The following PPL variants were observed in gnomAD, a reference collection of about 807,000 sequenced individuals.
The protein encoded by PPL is 190 kDa paraneoplastic pemphigus antigen.
A neutral mutation model predicts 194.4 loss-of-function variants in PPL; 198 were observed. The observed-to-expected ratio is 1.02, with a 90% CI of 0.91 to 1.15. The LOEUF is 1.15. Among genes scored for constraint, PPL ranks in the 50% most tolerant of loss-of-function variants. PPL has a pLI of 0.00. For synonymous variants in PPL, 1,220 were observed against 972.4 expected, an observed-to-expected ratio of 1.25 and a Z score of -4.74; for missense variants, 2,885 against 2,294.8, an observed-to-expected ratio of 1.26 and a Z score of -5.25.
chr16:4,929,018 A>T (rs2089194766), intron 1 of PPL, among the ~76,000 whole-genome samples: 1 of 120,470 alleles, frequency 8.3e-6, no homozygotes, highest in African/African-American at 3.5e-5. Flanking sequence ...TACCTTAAAA[A>T]AAAAAAAAAA....
At chr16:4,891,773 TCA>T (rs1404357880) in intron 16 of PPL, 36 bp downstream of exon 16, 1 of 1,576,634 alleles carries the variant, frequency 6.3e-7, no homozygotes, top group Admixed American at 1.8e-5. Context: ...TCTCACCTGC[TCA>T]GAGAAGGACT....
At chr16:4,900,901 G>A in intron 5 of PPL, 30 bp from the exon 6 acceptor site, 1 of 1,614,068 alleles carries the variant, frequency 6.2e-7, no homozygotes, top group Non-Finnish European at 8.5e-7. Context: ...CATGGGTCAG[G>A]GCCAGGAAGC....
chr16:4,894,979 T>C (rs550202728), intron 11 of PPL, among the ~76,000 whole-genome samples: 1 of 152,080 alleles, frequency 6.6e-6, no homozygotes, highest in East Asian at 1.9e-4. Flanking sequence ...CAGTGATTGG[T>C]GTAGGATGGA....
intron 1 of PPL, among the ~76,000 whole-genome samples, chr16:4,936,036 C>G (rs2089293683): frequency 6.6e-6 from 1 of 152,212 alleles, no homozygotes. Flanking sequence ...TTCCCACCCC[C>G]TCCGTCAATC....
In PPL at chr16:4,899,358, G is replaced by T. The variant is rs2088501992; in HGVS notation, c.633C>A (p.His211Gln). The T allele has an allele frequency of 1.2e-6, 2 of 1,610,120 alleles. No homozygotes were observed. The highest frequency in any genetic ancestry group is 1.7e-6 in the Non-Finnish European group (2 of 1,178,142). Reference sequence around the variant, plus strand: ...GCATGTAGTCCTGCAGCGAACTCAGGTGCTGCTGCCGGGCCTGTGATGCTG... The same window carrying T: ...GCATGTAGTCCTGCAGCGAACTCAGTTGCTGCTGCCGGGCCTGTGATGCTG... ...LLAASQARQQ[H>Q]LSSLQDYMQR... Residue 211 changes from histidine (H) to glutamine (Q), a missense_variant, in exon 7 of 22, where the codon CAC becomes CAA. His to Gln is a conservative substitution (Grantham distance 24). Transcript: ENST00000345988.
At chr16:4,900,223 G>A (rs1172748938) in intron 6 of PPL, among the ~76,000 whole-genome samples, 1 of 152,076 alleles carries the variant, frequency 6.6e-6, no homozygotes, top group Non-Finnish European at 1.5e-5. Context: ...GGTTTGGGAA[G>A]GAAAATGGAA....
intron 1 of PPL, among the ~76,000 whole-genome samples, chr16:4,933,928 C>T (rs548735612): frequency 4.6e-5 from 7 of 152,352 alleles, no homozygotes; most frequent in South Asian, 4.1e-4. Flanking sequence ...CTATTACCTG[C>T]GGCCGCTTAT....
rs1229819961 is a variant in PPL, at chr16:4,889,076, T to A, written c.2314-15A>T. Reference sequence around the variant, plus strand: ...TCTAGCAGGTTCTGTAAGACAGAGTTTAAAAATCAAAACTAACCAGAAAAA... The same window carrying A: ...TCTAGCAGGTTCTGTAAGACAGAGTATAAAAATCAAAACTAACCAGAAAAA... On this transcript the variant is annotated splice_polypyrimidine_tract_variant and intron_variant, in intron 18 of 21. Coordinates refer to ENST00000345988, the MANE Select transcript of PPL (RefSeq NM_002705.5). 5.6e-6 allele frequency: 9 copies of A among 1,611,598 alleles called. No homozygotes were observed. The highest frequency in any genetic ancestry group is 7.6e-6 in the Non-Finnish European group (9 of 1,178,436).
In PPL at chr16:4,895,303, C is replaced by A. The variant is rs2088403497; in HGVS notation, c.1200G>T (p.Lys400Asn). The change falls in exon 11 of 22, where the codon AAG becomes AAT. Residue 400 changes from lysine (K) to asparagine (N), a missense_variant. Transcript: ENST00000345988. The stretch of plus-strand genomic sequence containing the variant: ...CACAGAGTGCCTCCACGGGGATGGG[C>A]TTGAGCGGAGTCTCCCGGCGGTACT... The part of the protein sequence containing the change: ...PLKYRRETPL[K>N]PIPVEALCDF... 1 of 1,612,958 alleles carries A rather than the reference C, an allele frequency of 6.2e-7. No homozygotes were observed. The highest frequency in any genetic ancestry group is 1.3e-5 in the African/African-American group (1 of 74,928).
rs1291234759 is a variant in PPL, at chr16:4,893,353, C to T, written c.1510G>A (p.Gly504Arg). Residue 504 changes from glycine to arginine, a missense_variant, in exon 14 of 22, where the codon GGG becomes AGG. Transcript: ENST00000345988. ...ENPGDASDLQ[G>R]RQLLAGLDKV... is the part of the protein sequence containing the mutation. The stretch of plus-strand genomic sequence containing the variant: ...TCCAAGCCAGCCAGCAGCTGCCGCC[C>T]CTGTAGGTCAGAGGCATCTGTGGAG... 12 of 1,607,444 alleles carry T rather than the reference C, an allele frequency of 7.5e-6. No individual in the cohort carries two copies. Among genetic ancestry groups the T allele is most frequent in the African/African-American group, 4.0e-5 (3 of 74,914 alleles).
At chr16:4,923,570 C>T (rs1421627990) in intron 1 of PPL, among the ~76,000 whole-genome samples, 1 of 152,226 alleles carries the variant, frequency 6.6e-6, no homozygotes, top group East Asian at 1.9e-4. Flanking sequence ...GTTCAAGTCA[C>T]ATGGCACCAA....
rs1885421520 is a variant in PPL at position 4,885,466 on chromosome 16, G to T, written c.3189C>A (p.Asp1063Glu). 1 of 1,612,076 alleles carries T rather than the reference G, an allele frequency of 6.2e-7. No individual in the cohort carries two copies. Among genetic ancestry groups the T allele is most frequent in the African/African-American group, 1.3e-5 (1 of 74,778 alleles). Reference sequence around the variant, plus strand: ...GCTGGTACTCTGCCTCCAGCTGGGGGTCATTCTGCAGTTTCACCACCTCTT... The same window carrying T: ...GCTGGTACTCTGCCTCCAGCTGGGGTTCATTCTGCAGTTTCACCACCTCTT... The part of the protein sequence containing the change: ...TEKEVVKLQN[D>E]PQLEAEYQQL... The change falls in exon 22 of 22, where the codon GAC becomes GAA. Residue 1063 changes from aspartate to glutamate, a missense_variant. Physicochemically the swap from Asp to Glu is conservative, Grantham distance 45. Transcript: ENST00000345988. This position sits in a 1 kb window ranked among gnomAD's most constrained non-coding sequence, Gnocchi z 6.3.
intron 1 of PPL, among the ~76,000 whole-genome samples, chr16:4,923,680 G>C (rs1405420693): frequency 2.0e-5 from 3 of 152,034 alleles, no homozygotes; most frequent in African/African-American, 7.3e-5. Context: ...CCAGGTGTGG[G>C]CTCGGGCAGA....
chr16:4,885,369 C>T lies in PPL; in HGVS notation c.3286G>A (p.Asp1096Asn). The T allele has an allele frequency of 6.2e-7, 1 of 1,612,974 alleles. No homozygotes were observed. Among genetic ancestry groups the T allele is most frequent in the Non-Finnish European group, 8.5e-7 (1 of 1,179,992 alleles). The stretch of plus-strand genomic sequence containing the variant: ...TCCTTCTCTAGCCTCTTGAGCTTGT[C>T]CTGGAGGAAGCTCAGCTCCTCCTCC... Reference protein sequence around the residue: ...KQEEELSFLQDKLKRLEKERA... With the variant: ...KQEEELSFLQNKLKRLEKERA... Residue 1096 changes from aspartate to asparagine, a missense_variant, in exon 22 of 22, where the codon GAC becomes AAC. Asp to Asn is a conservative substitution (Grantham distance 23, BLOSUM62 1). Transcript: ENST00000345988. This position sits in a 1 kb window ranked among gnomAD's most constrained non-coding sequence, Gnocchi z 6.3.
rs1568049031 is a variant in PPL at position 4,920,362 on chromosome 16, AGAAAGAAAG to A, written c.63-9422_63-9414del. On this transcript the variant is annotated intron_variant, in intron 1 of 21. Coordinates refer to ENST00000345988, the MANE Select transcript of PPL (RefSeq NM_002705.5). ...GAGAGAGAGAGAAAGAAAGAAAGAA[AGAAAGAAAG>A]GACACCTCGGTCAAATTTCAAAGAC... 2.8e-4 allele frequency among the ~76,000 whole-genome samples: 20 copies of A among 72,514 alleles called. 1 individual carries two copies. Among genetic ancestry groups the A allele is most frequent in the East Asian group, 1.1e-3 (3 of 2,610 alleles). 47.6% of individuals were successfully genotyped at this position (72,514 alleles called of 152,430 possible).
rs1210695062 is a variant in PPL at position 4,885,597 on chromosome 16, G to T, written c.3058C>A (p.Leu1020Met). The change falls in exon 22 of 22, where the codon CTG becomes ATG. Residue 1020 changes from leucine to methionine, a missense_variant. Coordinates refer to ENST00000345988, the MANE Select transcript of PPL (RefSeq NM_002705.5). The surrounding 1 kb of genome is among the most constrained non-coding windows in gnomAD (Gnocchi z 6.3). ...VLQLREELEA[L>M]RRQKGAREAE... ...TCCCGGGCGCCCTTCTGCCGCCTCAGTGCCTCCAGCTCCTCCCGCAGCTGC... is the reference window on the plus strand; with the variant it reads ...TCCCGGGCGCCCTTCTGCCGCCTCATTGCCTCCAGCTCCTCCCGCAGCTGC... 1.2e-6 allele frequency: 2 copies of T among 1,612,502 alleles called. No individual in the cohort carries two copies. The highest frequency in any genetic ancestry group is 1.3e-5 in the African/African-American group (1 of 74,922).
At chr16:4,914,341 T>C (rs375793313) in intron 1 of PPL, among the ~76,000 whole-genome samples, 1 of 152,142 alleles carries the variant, frequency 6.6e-6, no homozygotes, top group African/African-American at 2.4e-5. Flanking sequence ...GAAGCTGTAT[T>C]ATTATTACTA....
At chr16:4,924,905 C>G (rs749672286) in intron 1 of PPL, among the ~76,000 whole-genome samples, 6 of 152,332 alleles carry the variant, frequency 3.9e-5, no homozygotes, top group Non-Finnish European at 8.8e-5. Flanking sequence ...TCACCTCCAC[C>G]CCAGCTGTCC....
intron 14 of PPL, among the ~76,000 whole-genome samples, chr16:4,892,562 TGACGACTCCCAGCAGCTTAGGAAGG>T (rs1261184445): frequency 3.3e-5 from 5 of 152,140 alleles, no homozygotes. Flanking sequence ...GGTGGGGGTG[TGACGACTCCCAGCAGCTTAGGAAGG>T]GACTTGTGGG....
Sources: gnomAD v4.1 joint callset for allele counts (sites outside exome capture counted in the v4.1 genomes callset) on GRCh38, gnomAD v4.1.1 for gene constraint, Gnocchi (gnomAD v3.1) non-coding constraint, MANE v1.5 for transcripts, NCBI Gene and HGNC (gene_info 2026-07-23, HGNC 2026-07-21) for gene names.